Variants in TXNDC11 observed in about 807,000 individuals in gnomAD.
TXNDC11 encodes the protein thioredoxin domain-containing protein 11.
TXNDC11 carries 68 observed loss-of-function variants against 78.0 expected under a neutral mutation model. The ratio of observed to expected loss-of-function variants is 0.87; its 90% CI spans 0.72 to 1.07. TXNDC11 has a LOEUF of 1.07. TXNDC11 is among the 50% of genes least tolerant of loss of function. TXNDC11 has a pLI of 0.00. For synonymous variants in TXNDC11, 571 were observed against 495.2 expected, an observed-to-expected ratio of 1.15 and a Z score of -2.03; for missense variants, 1,389 against 1,221.8, an observed-to-expected ratio of 1.14 and a Z score of -2.04.
chr16:11,691,526 T>A lies in TXNDC11; in HGVS notation c.1664A>T (p.Asn555Ile). The A allele has an allele frequency of 6.2e-7, 1 of 1,614,138 alleles. No individual in the cohort carries two copies. The highest frequency in any genetic ancestry group is 1.3e-5 in the African/African-American group (1 of 75,056). The change falls in exon 8 of 12, where the codon AAC (asparagine) becomes ATC (isoleucine). Residue 555 changes from asparagine to isoleucine, a missense_variant. Transcript: ENST00000283033. ...GTCCACTTCTGGAAAGAGATACCTG[T>A]TCTCCTCAATGTGAGGAACGGAGCT... is the stretch of plus-strand genomic sequence containing the variant. ...APSSVPHIEE[N>I]RYLFPEVDMT...
chr16:11,715,144 C>G (rs2051490829), intron 5 of TXNDC11, among the ~76,000 whole-genome samples: 1 of 151,860 alleles, frequency 6.6e-6, no homozygotes, highest in African/African-American at 2.4e-5. Context: ...CCCAGCTACT[C>G]GAGAAGCTGA....
rs571981492 is a variant in TXNDC11, at chr16:11,681,015, TA to T, written c.2235-1179del. The stretch of plus-strand genomic sequence containing the variant: ...GGCCTCATCTGTATAAAAAGTAAGA[TA>T]AAAAAATTAGCCAGGCAAGGTGGCA... On this transcript the variant is annotated intron_variant, in intron 11 of 11. Coordinates refer to ENST00000283033, the MANE Select transcript of TXNDC11 (RefSeq NM_015914.7). 3.0e-3 allele frequency among the ~76,000 whole-genome samples: 461 copies of T among 151,168 alleles called. 1 individual carries two copies. Among genetic ancestry groups the T allele is most frequent in the Admixed American group, 5.7e-3 (87 of 15,158 alleles).
At chr16:11,695,023 T>C (rs187464759) in intron 7 of TXNDC11, among the ~76,000 whole-genome samples, 9 of 152,370 alleles carry the variant, frequency 5.9e-5, no homozygotes, top group Admixed American at 1.3e-4. Flanking sequence ...ATTCAGACGA[T>C]GTGAATGCCT....
chr16:11,708,089 A>C (rs889706093), intron 5 of TXNDC11, among the ~76,000 whole-genome samples: 2 of 152,180 alleles, frequency 1.3e-5, no homozygotes, highest in Non-Finnish European at 1.5e-5. Flanking sequence ...GTCTCAAAAA[A>C]CAAACTTAAA....
chr16:11,703,260 A>G (rs1300853853), intron 5 of TXNDC11, among the ~76,000 whole-genome samples: 7 of 152,228 alleles, frequency 4.6e-5, no homozygotes, highest in East Asian at 1.9e-4. Context: ...CTGTAAAACT[A>G]AAGGCAAAAA....
At chr16:11,701,514 G>A (rs1450791587) in intron 5 of TXNDC11, among the ~76,000 whole-genome samples, 1 of 152,134 alleles carries the variant, frequency 6.6e-6, no homozygotes, top group Non-Finnish European at 1.5e-5. Flanking sequence ...CTACAGAAGT[G>A]CCGGGGTGTA....
At chr16:11,714,701 A>C (rs867546688) in intron 5 of TXNDC11, among the ~76,000 whole-genome samples, 1 of 152,088 alleles carries the variant, frequency 6.6e-6, no homozygotes, top group Non-Finnish European at 1.5e-5. Context: ...CTTCGCTTGG[A>C]GGAGGGCACT....
intron 4 of TXNDC11, among the ~76,000 whole-genome samples, chr16:11,723,269 G>GA (rs951030490): frequency 2.1e-5 from 3 of 142,308 alleles, no homozygotes; most frequent in African/African-American, 5.4e-5. Context: ...CAAAAAAAAA[G>GA]AAAAAAAAGA....
chr16:11,699,496 A>T (rs1219553431), intron 6 of TXNDC11, among the ~76,000 whole-genome samples: 1 of 152,266 alleles, frequency 6.6e-6, no homozygotes, highest in Admixed American at 6.5e-5. Flanking sequence ...GGACGATGGG[A>T]GTTTGAAAAA....
In TXNDC11 at chr16:11,742,783, G is replaced by T; in HGVS notation, c.-53C>A. 7.2e-7 allele frequency: 1 copy of T among 1,396,502 alleles called. No individual in the cohort carries two copies. 86.5% of individuals were successfully genotyped at this position (1,396,502 alleles called of 1,614,324 possible). ...CCGCCGCCGCCGCCTCGGGCCCGAA[G>T]GCCCGGCCCGGCCCGTTGCTCCCCA... On this transcript the variant is annotated 5_prime_UTR_variant, in exon 1 of 12. Coordinates refer to ENST00000283033, the MANE Select transcript of TXNDC11 (RefSeq NM_015914.7).
intron 5 of TXNDC11, among the ~76,000 whole-genome samples, chr16:11,716,545 C>A (rs1213849747): frequency 6.6e-6 from 1 of 152,140 alleles, no homozygotes; most frequent in Non-Finnish European, 1.5e-5. Context: ...TGCCAGCCCA[C>A]AATTAATCAT....
intron 1 of TXNDC11, among the ~76,000 whole-genome samples, chr16:11,739,980 G>GA (rs2052343593): frequency 6.6e-6 from 1 of 151,966 alleles, no homozygotes; most frequent in South Asian, 2.1e-4. Flanking sequence ...ACCACCTGAA[G>GA]TCAGGAGTTC....
chr16:11,699,483 G>A (rs969278896), intron 6 of TXNDC11, among the ~76,000 whole-genome samples: 3 of 152,250 alleles, frequency 2.0e-5, no homozygotes, highest in African/African-American at 7.2e-5. Context: ...GATTGTCAAG[G>A]TGGGACGATG....
chr16:11,699,384 T>A (rs1486007019), intron 6 of TXNDC11, among the ~76,000 whole-genome samples: 1 of 152,130 alleles, frequency 6.6e-6, no homozygotes, highest in Non-Finnish European at 1.5e-5. Flanking sequence ...TGTAGGAAAA[T>A]GACAGATAGC....
At chr16:11,724,935 C>A (rs2051831510) in intron 4 of TXNDC11, among the ~76,000 whole-genome samples, 1 of 152,002 alleles carries the variant, frequency 6.6e-6, no homozygotes, top group Non-Finnish European at 1.5e-5. Flanking sequence ...TTAGTAGAGA[C>A]GAGGTTTCAC....
At chr16:11,728,303 G>C (rs933098621) in intron 4 of TXNDC11, among the ~76,000 whole-genome samples, 2 of 152,164 alleles carry the variant, frequency 1.3e-5, no homozygotes, top group Non-Finnish European at 2.9e-5. Flanking sequence ...CGATGGGCTT[G>C]ACTAGTGAGT....
chr16:11,732,729 G>A (rs16958607), intron 3 of TXNDC11, among the ~76,000 whole-genome samples: 2,092 of 152,256 alleles, frequency 0.014, 53 homozygotes, highest in African/African-American at 0.048. Context: ...AATAGTTCCT[G>A]GGAGTCAATA....
intron 5 of TXNDC11, among the ~76,000 whole-genome samples, chr16:11,709,205 T>C (rs1597451750): frequency 6.6e-6 from 1 of 151,958 alleles, no homozygotes. Context: ...ACAGATACAT[T>C]GTGGTGTTTG....
At chr16:11,730,955 A>C (rs2052027543) in intron 3 of TXNDC11, among the ~76,000 whole-genome samples, 181 bp from the exon 4 acceptor site, 1 of 152,222 alleles carries the variant, frequency 6.6e-6, no homozygotes, top group Non-Finnish European at 1.5e-5. Context: ...ATTAAGAACA[A>C]GCATTTTGGG....
Sources: allele counts gnomAD v4.1 joint callset (sites outside exome capture counted in the v4.1 genomes callset), GRCh38; gene constraint gnomAD v4.1.1; transcripts MANE v1.5; gene names NCBI Gene and HGNC (gene_info 2026-07-23, HGNC 2026-07-21).